SRCIN1: variants seen among roughly 807,000 people sequenced by gnomAD.
SRCIN1 encodes the protein P130Cas-associated protein.
A neutral mutation model predicts 116.2 loss-of-function variants in SRCIN1; 50 were observed. The ratio of observed to expected loss-of-function variants is 0.43; its 90% confidence interval spans 0.34 to 0.54. SRCIN1 has a LOEUF of 0.54. Among genes scored for constraint, SRCIN1 ranks in the 20% least tolerant of loss-of-function variants. SRCIN1 has a pLI of 0.02. For synonymous variants in SRCIN1, 736 were observed against 750.0 expected, an observed-to-expected ratio of 0.98 and a Z score of 0.30; for missense variants, 1,446 against 1,672.0, an observed-to-expected ratio of 0.86 and a Z score of 2.36.
chr17:38,562,878 C>G lies in SRCIN1; in HGVS notation c.783G>C (p.Glu261Asp). ...DRSIIKIYRK[E>D]PLYAAFPGSH... ...AGCCAGGGAAGGCAGCGTAGAGGGG[C>G]TCCTTTCTGTAGATCTTGATAATAC... is the stretch of plus-strand genomic sequence containing the variant. The change falls in exon 6 of 19, where the codon GAG becomes GAC. Residue 261 changes from glutamate to aspartate, a missense_variant. Glu to Asp is a conservative substitution (Grantham distance 45, BLOSUM62 2). This residue lies in a region of SRCIN1 where 239 missense variants were observed against 317.7 expected (regional missense o/e 0.75). Coordinates refer to ENST00000617146, the MANE Select transcript of SRCIN1 (RefSeq NM_025248.3). This position sits in a 1 kb window ranked among gnomAD's most constrained non-coding sequence, Gnocchi z 4.2. 1 of 1,613,816 alleles carries G rather than the reference C, an allele frequency of 6.2e-7. No individual in the cohort carries two copies. The highest frequency in any genetic ancestry group is 8.5e-7 in the Non-Finnish European group (1 of 1,179,836).
intron 1 of SRCIN1, among the ~76,000 whole-genome samples, chr17:38,584,569 G>A (rs1464565370): frequency 6.6e-6 from 1 of 152,226 alleles, no homozygotes; most frequent in Non-Finnish European, 1.5e-5. Flanking sequence ...CAGGTGCTTG[G>A]GAAGAGTGAC....
At chr17:38,581,134 C>T (rs371889713) in intron 1 of SRCIN1, among the ~76,000 whole-genome samples, 8 of 152,212 alleles carry the variant, frequency 5.3e-5, no homozygotes, top group Admixed American at 2.0e-4. Context: ...GGACCAGGCA[C>T]GATGACTCAT....
Position 38,578,594 on chromosome 17 carries a change from C to T in SRCIN1, c.220G>A (p.Ala74Thr). Residue 74 changes from alanine to threonine, a missense_variant, in exon 2 of 19, where the codon GCG (alanine) becomes ACG (threonine). Ala to Thr is a moderately conservative substitution (Grantham distance 58). This residue lies in a region of SRCIN1 where 246 missense variants were observed against 265.1 expected (regional missense o/e 0.93). Transcript: ENST00000617146. ...SLEALSGLQK[A>T]DADRKRDAFM... ...GCATCACGCTTGCGGTCGGCGTCCG[C>T]CTTCTGGAGCCCGCTGAGCGCCTCC... The T allele has an allele frequency of 6.2e-7, 1 of 1,611,698 alleles. No homozygotes were observed. Among genetic ancestry groups the T allele is most frequent in the Non-Finnish European group, 8.5e-7 (1 of 1,178,990 alleles).
In SRCIN1 at chr17:38,558,823, T is replaced by A. The variant is rs1430604780; in HGVS notation, c.2026-421A>T. ...GGGACAGGGTGTAGCCCTATGTAGG[T>A]CCCTGCCGACAGTGCGGCCGCATGG... On this transcript the variant is annotated intron_variant, in intron 10 of 18. Coordinates refer to ENST00000617146, the MANE Select transcript of SRCIN1 (RefSeq NM_025248.3). The surrounding 1 kb of genome is among the most constrained non-coding windows in gnomAD (Gnocchi z 4.6). Among the ~76,000 whole-genome samples the A allele has an allele frequency of 6.6e-6, 1 of 152,044 alleles. No homozygotes were observed. Among genetic ancestry groups the A allele is most frequent in the African/African-American group, 2.4e-5 (1 of 41,378 alleles).
intron 11 of SRCIN1, among the ~76,000 whole-genome samples, chr17:38,555,720 T>C (rs1437377200): frequency 6.6e-6 from 1 of 152,236 alleles, no homozygotes; most frequent in Non-Finnish European, 1.5e-5. Flanking sequence ...ATTTTCACAC[T>C]AGACCAACAT....
intron 1 of SRCIN1, among the ~76,000 whole-genome samples, chr17:38,581,003 T>C (rs1375447800): frequency 6.6e-6 from 1 of 152,130 alleles, no homozygotes; most frequent in Non-Finnish European, 1.5e-5. Flanking sequence ...ACCCAGTGAA[T>C]TTCTTCCTTT....
intron 7 of SRCIN1, 70 bp from the exon 8 acceptor site, chr17:38,560,495 C>A: frequency 7.5e-7 from 1 of 1,335,050 alleles, no homozygotes; most frequent in Non-Finnish European, 1.1e-6. Context: ...CCCCCCATTC[C>A]TAAGATTGGT....
Position 38,563,252 on chromosome 17 carries a change from G to A in SRCIN1, c.740+71C>T, listed in dbSNP as rs566148641. The A allele has an allele frequency of 5.9e-6, 9 of 1,517,924 alleles. No homozygotes were observed. Among genetic ancestry groups the A allele is most frequent in the African/African-American group, 2.8e-5 (2 of 72,210 alleles). 94.0% of individuals were successfully genotyped at this position (1,517,924 alleles called of 1,614,324 possible). A position where few individuals can be genotyped will look rare whatever the true frequency, so the allele number is the denominator to read the frequency against. On this transcript the variant is annotated intron_variant, in intron 5 of 18. Transcript: ENST00000617146. This position sits in a 1 kb window ranked among gnomAD's most constrained non-coding sequence, Gnocchi z 5.8. ...GTCAGGAAGGAGCTGGGGAAGGGCC[G>A]GCGGGGTCCAGCACCCTGCAGAGGA...
chr17:38,583,254 T>C (rs1035240325), intron 1 of SRCIN1, among the ~76,000 whole-genome samples: 5 of 152,090 alleles, frequency 3.3e-5, no homozygotes, highest in Non-Finnish European at 7.4e-5. Flanking sequence ...CTGTTTTGTT[T>C]TGTAGAGATG....
In SRCIN1 at chr17:38,604,469, G is replaced by A. The variant is rs757704484; in HGVS notation, c.22+1215C>T. ...TCCCCCTCCTTGCATACTTCCCCGC[G>A]CCTGCTCACCTGGCTCCCCTCGGCC... On this transcript the variant is annotated intron_variant, in intron 1 of 18. Transcript: ENST00000617146. The surrounding 1 kb of genome is among the most constrained non-coding windows in gnomAD (Gnocchi z 4.3). The A allele has an allele frequency of 4.4e-6, 2 of 452,922 alleles. No homozygotes were observed. The highest frequency in any genetic ancestry group is 1.6e-5 in the South Asian group (1 of 64,098). The allele number at this position is 452,922 out of a possible 1,614,324, so 28.1% of individuals were successfully genotyped here.
chr17:38,542,351 G>A lies in SRCIN1; in HGVS notation c.3417+1472C>T, dbSNP rs111730397. ...CTGCCCCCCACTTGCTAGCCGTGTG[G>A]CCTTGGATTAAGCCTCAGTTTCCGC... On this transcript the variant is annotated intron_variant, in intron 18 of 18. Coordinates refer to ENST00000617146, the MANE Select transcript of SRCIN1 (RefSeq NM_025248.3). 1,047 of 153,050 alleles carry A rather than the reference G, an allele frequency of 6.8e-3. 3 individuals carry two copies. Among genetic ancestry groups the A allele is most frequent in the Middle Eastern group, 0.027 (8 of 300 alleles). The allele number at this position is 153,050 out of a possible 1,614,324, so 9.5% of individuals were successfully genotyped here.
Position 38,552,152 on chromosome 17 carries a change from G to T in SRCIN1, c.2481-20C>A. On this transcript the variant is annotated intron_variant, in intron 13 of 18. Coordinates refer to ENST00000617146, the MANE Select transcript of SRCIN1 (RefSeq NM_025248.3). This position sits in a 1 kb window ranked among gnomAD's most constrained non-coding sequence, Gnocchi z 5.3. ...ACTTGCCTGGGGTTGGGAGAGTTGG[G>T]AGCAGCTGTGAGGCCAGCAGGTGGT... 1 of 1,597,150 alleles carries T rather than the reference G, an allele frequency of 6.3e-7. No homozygotes were observed. The highest frequency in any genetic ancestry group is 1.1e-5 in the South Asian group (1 of 88,262).
intron 2 of SRCIN1, chr17:38,574,952 G>T: frequency 2.5e-6 from 1 of 401,162 alleles, no homozygotes; most frequent in Non-Finnish European, 4.4e-6. Flanking sequence ...GAGGCATACG[G>T]GGTCCACGGT....
chr17:38,556,768 T>G (rs73982835), intron 11 of SRCIN1, among the ~76,000 whole-genome samples: 4,208 of 152,172 alleles, frequency 0.028, 218 homozygotes, highest in African/African-American at 0.096. Context: ...GGGGCAGGGG[T>G]TGGGGAGTCT....
rs1906873522 is a variant in SRCIN1, at chr17:38,568,658, G to A, written c.325-427C>T. The stretch of plus-strand genomic sequence containing the variant: ...GAGACTGGAAGGAGAGGCCTGCTGG[G>A]CAGAGGGGAAGTGCCCAGGGGCAGA... On this transcript the variant is annotated intron_variant, in intron 2 of 18. Coordinates refer to ENST00000617146, the MANE Select transcript of SRCIN1 (RefSeq NM_025248.3). This position sits in a 1 kb window ranked among gnomAD's most constrained non-coding sequence, Gnocchi z 4.5. Among the ~76,000 whole-genome samples, 1 of 152,162 alleles carries A rather than the reference G, an allele frequency of 6.6e-6. No homozygotes were observed. The highest frequency in any genetic ancestry group is 2.1e-4 in the South Asian group (1 of 4,830).
Position 38,578,593 on chromosome 17 carries a change from G to C in SRCIN1, c.221C>G (p.Ala74Gly). The C allele has an allele frequency of 6.2e-7, 1 of 1,611,512 alleles. No individual in the cohort carries two copies. Among genetic ancestry groups the C allele is most frequent in the African/African-American group, 1.3e-5 (1 of 74,998 alleles). The change falls in exon 2 of 19, where the codon GCG (alanine) becomes GGG (glycine). Residue 74 changes from alanine (A) to glycine (G), a missense_variant. This residue lies in a region of SRCIN1 where 246 missense variants were observed against 265.1 expected (regional missense o/e 0.93). Transcript: ENST00000617146. ...SLEALSGLQK[A>G]DADRKRDAFM... ...GGCATCACGCTTGCGGTCGGCGTCCGCCTTCTGGAGCCCGCTGAGCGCCTC... is the reference window on the plus strand; with the variant it reads ...GGCATCACGCTTGCGGTCGGCGTCCCCCTTCTGGAGCCCGCTGAGCGCCTC...
At chr17:38,564,364 C>CCG (rs1906534881) in intron 3 of SRCIN1, 51 bp from the exon 4 acceptor site, 1 of 1,471,216 alleles carries the variant, frequency 6.8e-7, no homozygotes, top group African/African-American at 1.4e-5. Flanking sequence ...ACCCCCCCTC[C>CCG]CCTTTGCTTG....
intron 1 of SRCIN1, among the ~76,000 whole-genome samples, chr17:38,598,430 A>G (rs1908837352): frequency 6.6e-6 from 1 of 152,114 alleles, no homozygotes; most frequent in South Asian, 2.1e-4. Context: ...AGACTGCAGA[A>G]CACGTCCCCC....
At chr17:38,546,571 C>G (rs1394412852) in intron 17 of SRCIN1, 1 of 152,352 alleles carries the variant, frequency 6.6e-6, no homozygotes, top group Non-Finnish European at 1.5e-5. Flanking sequence ...GGGCAAAAGG[C>G]CTTGTCCACT....
Sources: gnomAD v4.1 joint callset for allele counts (sites outside exome capture counted in the v4.1 genomes callset) on GRCh38, gnomAD v4.1.1 for gene constraint, gnomAD v4.1.1 regional missense constraint, Gnocchi (gnomAD v3.1) non-coding constraint, MANE v1.5 for transcripts, NCBI Gene and HGNC (gene_info 2026-07-23, HGNC 2026-07-21) for gene names.